Variants in ARHGAP26 observed in about 807,000 individuals in gnomAD.
The protein encoded by ARHGAP26 is rho GTPase-activating protein 26.
ARHGAP26 carries 38 observed loss-of-function variants against 104.8 expected under a neutral mutation model. The observed-to-expected ratio is 0.36, with a 90% CI of 0.28 to 0.48. The LOEUF (loss-of-function observed/expected upper bound fraction) is 0.48, where lower values mean the gene tolerates loss of function less well. ARHGAP26 is among the 20% of genes least tolerant of loss of function. ARHGAP26 has a pLI of 0.99. For synonymous variants in ARHGAP26, 341 were observed against 340.0 expected, an observed-to-expected ratio of 1.00 and a Z score of -0.03; for missense variants, 704 against 947.9, an observed-to-expected ratio of 0.74 and a Z score of 3.38.
intron 1 of ARHGAP26, among the ~76,000 whole-genome samples, chr5:142,786,759 G>T (rs1454207870): frequency 7.0e-6 from 1 of 143,774 alleles, no homozygotes; most frequent in African/African-American, 2.6e-5. Flanking sequence ...CAATTCTCCT[G>T]CCTCAGCCTC....
intron 1 of ARHGAP26, among the ~76,000 whole-genome samples, chr5:142,819,041 C>G (rs1337235807): frequency 1.3e-5 from 2 of 152,120 alleles, no homozygotes; most frequent in African/African-American, 2.4e-5. Context: ...CAAGGAGAAA[C>G]TGCCTGCTCA....
intron 1 of ARHGAP26, among the ~76,000 whole-genome samples, chr5:142,852,486 T>C: frequency 6.6e-6 from 1 of 152,370 alleles, no homozygotes. Context: ...AGGGAGACTG[T>C]CTTGGAGCAG....
chr5:143,204,366 T>C (rs1040939927), intron 20 of ARHGAP26, among the ~76,000 whole-genome samples: 2 of 151,764 alleles, frequency 1.3e-5, no homozygotes, highest in Non-Finnish European at 2.9e-5. Context: ...CTACTAAAAA[T>C]ACAAAAAATT....
At chr5:143,001,074 A>G (rs1777129665) in intron 11 of ARHGAP26, among the ~76,000 whole-genome samples, 1 of 152,192 alleles carries the variant, frequency 6.6e-6, no homozygotes. Context: ...GAGTAGCTAT[A>G]AAAGAATATA....
In ARHGAP26 at chr5:143,226,684, T is replaced by G. The variant is rs376834619; in HGVS notation, c.*4238T>G. The G allele has an allele frequency of 2.8e-5, 6 of 215,198 alleles. No individual in the cohort carries two copies. The highest frequency in any genetic ancestry group is 1.4e-4 in the African/African-American group (6 of 44,356). The allele number at this position is 215,198 out of a possible 1,614,324, so 13.3% of individuals were successfully genotyped here. On this transcript the variant is annotated 3_prime_UTR_variant, in exon 23 of 23. Transcript: ENST00000645722. ...CCTAGAATTGGAGCCAGTCTTTAGC[T>G]TAATGTCTGAAGTATTTATACGGCC...
intron 1 of ARHGAP26, among the ~76,000 whole-genome samples, chr5:142,818,332 C>T (rs1765515852): frequency 6.6e-6 from 1 of 152,212 alleles, no homozygotes; most frequent in African/African-American, 2.4e-5. Flanking sequence ...GGCACAGCCT[C>T]TCCCCCAGCC....
At chr5:142,823,929 A>G (rs1380381221) in intron 1 of ARHGAP26, among the ~76,000 whole-genome samples, 6 of 152,202 alleles carry the variant, frequency 3.9e-5, no homozygotes, top group African/African-American at 1.4e-4. Flanking sequence ...TTATTTGTAA[A>G]ACTGAAAAGA....
At chr5:142,872,354 T>C (rs559690081) in intron 1 of ARHGAP26, among the ~76,000 whole-genome samples, 10 of 152,318 alleles carry the variant, frequency 6.6e-5, no homozygotes, top group Non-Finnish European at 1.2e-4. Context: ...CCATATCTTA[T>C]TAAAGCCAGG....
intron 15 of ARHGAP26, 25 bp downstream of exon 15, chr5:143,054,551 A>G: frequency 6.6e-7 from 1 of 1,524,674 alleles, no homozygotes; most frequent in Non-Finnish European, 9.0e-7. Context: ...TTTGCAAGGC[A>G]GAGTGCCAGC....
intron 5 of ARHGAP26, among the ~76,000 whole-genome samples, chr5:142,891,514 A>C (rs1218133388): frequency 6.6e-6 from 1 of 151,862 alleles, no homozygotes; most frequent in African/African-American, 2.4e-5. Context: ...TTATTTGACT[A>C]ATGTCTGTTT....
At position 142,954,784 on chromosome 5, in the gene ARHGAP26, T is replaced by C. The variant is rs141631212; in HGVS notation, c.1107+22659T>C. Among the ~76,000 whole-genome samples the C allele has an allele frequency of 2.8e-4, 43 of 152,378 alleles. No individual in the cohort carries two copies. The East Asian group carries it at 7.1e-3, about 25-fold the overall frequency. Reference sequence around the variant, plus strand: ...CCAGCTGACTAGATCTAGCCCTTTGTCCTTATGGAGACACTGCAGTATCTG... The same window carrying C: ...CCAGCTGACTAGATCTAGCCCTTTGCCCTTATGGAGACACTGCAGTATCTG... On this transcript the variant is annotated intron_variant, in intron 11 of 22. Transcript: ENST00000645722.
At chr5:142,984,427 G>A (rs535153576) in intron 11 of ARHGAP26, among the ~76,000 whole-genome samples, 19 of 152,320 alleles carry the variant, frequency 1.2e-4, no homozygotes, top group Non-Finnish European at 2.6e-4. Flanking sequence ...GAAGTGTTGA[G>A]TGACTTAGAA....
rs151180134 is a variant in ARHGAP26, at chr5:143,016,658, G to A, written c.1144+2542G>A. ...GCAGAGGTTGCAGTGAGCCAAGATC[G>A]TGCTATTGCACTCCATCCTGGGCAA... is the stretch of plus-strand genomic sequence containing the variant. On this transcript the variant is annotated intron_variant, in intron 12 of 22. Coordinates refer to ENST00000645722, the MANE Select transcript of ARHGAP26 (RefSeq NM_001135608.3). Among the ~76,000 whole-genome samples, 16 of 148,446 alleles carry A rather than the reference G, an allele frequency of 1.1e-4. No individual in the cohort carries two copies. The East Asian group carries it at 1.6e-3, about 15-fold the overall frequency.
At chr5:143,197,069 T>C (rs1036780762) in intron 20 of ARHGAP26, among the ~76,000 whole-genome samples, 2 of 152,278 alleles carry the variant, frequency 1.3e-5, no homozygotes, top group African/African-American at 4.8e-5. Context: ...TTTTCATTGC[T>C]GTAGAGTGCA....
chr5:142,929,770 A>G (rs1039578600), intron 10 of ARHGAP26, among the ~76,000 whole-genome samples: 1 of 152,134 alleles, frequency 6.6e-6, no homozygotes, highest in Non-Finnish European at 1.5e-5. Context: ...AAGTTGATGT[A>G]ATATATGTGA....
At chr5:142,831,607 C>T (rs1187582626) in intron 1 of ARHGAP26, among the ~76,000 whole-genome samples, 1 of 151,686 alleles carries the variant, frequency 6.6e-6, no homozygotes, top group African/African-American at 2.4e-5. Flanking sequence ...CGCAAGCCAC[C>T]CTCCCCTCCC....
chr5:143,211,974 T>C (rs2151382776), intron 21 of ARHGAP26, among the ~76,000 whole-genome samples: 1 of 152,356 alleles, frequency 6.6e-6, no homozygotes, highest in East Asian at 1.9e-4. Flanking sequence ...CTCCCTTTTA[T>C]TTCTGGCTGC....
At chr5:142,793,252 C>CTTTT (rs56941301) in intron 1 of ARHGAP26, among the ~76,000 whole-genome samples, 81 of 107,130 alleles carry the variant, frequency 7.6e-4, no homozygotes, top group African/African-American at 2.8e-3. Context: ...TATCCCTTTG[C>CTTTT]TTTTTTTTTT....
intron 5 of ARHGAP26, 133 bp downstream of exon 5, chr5:142,885,532 C>T (rs1444213553): frequency 1.4e-6 from 1 of 689,776 alleles, no homozygotes; most frequent in Non-Finnish European, 2.4e-6. Flanking sequence ...TGCTCCTGAT[C>T]CCTCATCCAG....
Sources: gnomAD v4.1 joint callset for allele counts (sites outside exome capture counted in the v4.1 genomes callset) on GRCh38, gnomAD v4.1.1 for gene constraint, MANE v1.5 for transcripts, NCBI Gene and HGNC (gene_info 2026-07-23, HGNC 2026-07-21) for gene names.